Variants in DLG2 observed in about 807,000 individuals in gnomAD.
DLG2 encodes disks large homolog 2.
A neutral mutation model predicts 132.5 loss-of-function variants in DLG2; 45 were observed. The observed-to-expected ratio is 0.34, with a 90% CI of 0.27 to 0.44. DLG2 has a LOEUF of 0.44. Ranked by LOEUF, DLG2 falls within the 20% of genes least tolerant of loss-of-function variation. The pLI is 1.00. For missense variants in DLG2, 1,045 were observed against 1,196.9 expected, an observed-to-expected ratio of 0.87 and a Z score of 1.87; for synonymous variants, 424 against 419.6, an observed-to-expected ratio of 1.01 and a Z score of -0.13.
rs184964106 is a variant in DLG2 at position 84,417,749 on chromosome 11, C to G, written c.519+116821G>C. On this transcript the variant is annotated intron_variant, in intron 7 of 27. Transcript: ENST00000376104. Reference sequence around the variant, plus strand: ...CCTTCTTCAAAACAATGACAGAATTCATGAAGACGTGTTTTTTTTCCCCAC... The same window carrying G: ...CCTTCTTCAAAACAATGACAGAATTGATGAAGACGTGTTTTTTTTCCCCAC... 2.9e-3 allele frequency among the ~76,000 whole-genome samples: 443 copies of G among 152,272 alleles called. 3 individuals are homozygous for G. Among genetic ancestry groups the G allele is most frequent in the African/African-American group, 0.01 (431 of 41,560 alleles).
intron 11 of DLG2, among the ~76,000 whole-genome samples, chr11:83,981,009 A>G (rs1394703626): frequency 6.6e-6 from 1 of 152,186 alleles, no homozygotes; most frequent in African/African-American, 2.4e-5. Flanking sequence ...AGTCCTGCTC[A>G]TTGTTGACTC....
intron 5 of DLG2, among the ~76,000 whole-genome samples, chr11:85,118,402 G>C (rs2073923532): frequency 6.6e-6 from 1 of 152,000 alleles, no homozygotes; most frequent in African/African-American, 2.4e-5. Context: ...GCAGTCTGTG[G>C]CTAACTAGTG....
intron 6 of DLG2, among the ~76,000 whole-genome samples, chr11:85,063,297 T>A (rs1185541035): frequency 6.6e-6 from 1 of 151,748 alleles, no homozygotes; most frequent in Non-Finnish European, 1.5e-5. Flanking sequence ...AATCTCAGAG[T>A]TTTGAGTCTG....
At chr11:83,553,483 CGTGTGTGTGTGTGTGTGTGT>C (rs71959561) in intron 19 of DLG2, among the ~76,000 whole-genome samples, 2 of 143,772 alleles carry the variant, frequency 1.4e-5, no homozygotes, top group Non-Finnish European at 3.0e-5. Flanking sequence ...AAGTAAGCAC[CGTGTGTGTGTGTGTGTGTGT>C]GTGTGTGTGT....
chr11:84,630,902 G>A (rs1171506775), intron 6 of DLG2, among the ~76,000 whole-genome samples: 1 of 151,662 alleles, frequency 6.6e-6, no homozygotes, highest in African/African-American at 2.4e-5. Flanking sequence ...TATCACCTGA[G>A]CATTTGTTTG....
chr11:84,258,353 T>C (rs1369405832), intron 7 of DLG2, among the ~76,000 whole-genome samples: 2 of 152,168 alleles, frequency 1.3e-5, no homozygotes, highest in East Asian at 3.9e-4. Flanking sequence ...AATTACACTC[T>C]TACATTCTAT....
chr11:84,493,496 A>G (rs2099170823), intron 7 of DLG2, among the ~76,000 whole-genome samples: 1 of 151,950 alleles, frequency 6.6e-6, no homozygotes, highest in South Asian at 2.1e-4. Flanking sequence ...AATAGCTCCT[A>G]TTTTGGGAGC....
intron 7 of DLG2, among the ~76,000 whole-genome samples, chr11:84,275,920 T>C (rs1253683468): frequency 6.6e-6 from 1 of 152,138 alleles, no homozygotes; most frequent in Non-Finnish European, 1.5e-5. Context: ...TATTTAGTTA[T>C]ACAGATATAG....
chr11:84,124,355 C>T (rs2094064969), intron 9 of DLG2, among the ~76,000 whole-genome samples: 1 of 152,206 alleles, frequency 6.6e-6, no homozygotes, highest in African/African-American at 2.4e-5. Flanking sequence ...GCAGACTCCC[C>T]TTACCTCACA....
At chr11:85,187,461 T>C (rs1391244132) in intron 4 of DLG2, among the ~76,000 whole-genome samples, 1 of 151,916 alleles carries the variant, frequency 6.6e-6, no homozygotes, top group Non-Finnish European at 1.5e-5. Flanking sequence ...TTAATTTGAG[T>C]GCTAACTATA....
chr11:84,698,233 C>T (rs2058825753), intron 6 of DLG2, among the ~76,000 whole-genome samples: 1 of 132,162 alleles, frequency 7.6e-6, no homozygotes, highest in Admixed American at 7.5e-5. Flanking sequence ...GCCATCTGAT[C>T]CGAACTTTAA....
intron 19 of DLG2, among the ~76,000 whole-genome samples, chr11:83,602,539 G>A (rs1030545981): frequency 1.1e-4 from 17 of 152,346 alleles, no homozygotes; most frequent in Admixed American, 3.3e-4. Flanking sequence ...AGGAGAAAAC[G>A]TTAAACCAAG....
chr11:85,495,432 T>G (rs995829903), intron 3 of DLG2, among the ~76,000 whole-genome samples: 2 of 151,696 alleles, frequency 1.3e-5, no homozygotes, highest in Non-Finnish European at 2.9e-5. Context: ...TAAACAAATT[T>G]AAAAGAAAAA....
intron 7 of DLG2, among the ~76,000 whole-genome samples, chr11:84,364,846 T>A (rs2098672268): frequency 6.6e-6 from 1 of 152,196 alleles, no homozygotes; most frequent in African/African-American, 2.4e-5. Flanking sequence ...GAGCCTTGCA[T>A]CCCAGGGATG....
chr11:84,251,211 G>A, intron 8 of DLG2, 27 bp downstream of exon 8: 2 of 1,454,866 alleles, frequency 1.4e-6, no homozygotes, highest in South Asian at 1.3e-5. Context: ...AGTTTTAAAA[G>A]AAGGTAGTAA....
chr11:84,310,751 A>C (rs2098278494), intron 7 of DLG2, among the ~76,000 whole-genome samples: 1 of 152,218 alleles, frequency 6.6e-6, no homozygotes, highest in Admixed American at 6.5e-5. Flanking sequence ...AAGTCAAAGC[A>C]GGTGCTGAGT....
intron 6 of DLG2, among the ~76,000 whole-genome samples, chr11:84,625,688 C>G (rs1300708568): frequency 6.6e-6 from 1 of 152,178 alleles, no homozygotes; most frequent in Non-Finnish European, 1.5e-5. Context: ...AGACACTTCC[C>G]TAAAAATATC....
intron 3 of DLG2, among the ~76,000 whole-genome samples, chr11:85,395,482 G>A (rs1056428153): frequency 9.2e-5 from 14 of 152,286 alleles, no homozygotes; most frequent in African/African-American, 3.4e-4. Context: ...CAAGGGGTAA[G>A]GGGATTCCAC....
chr11:84,711,330 AAGAGAGAGAGAGAGAGAGAGAGAGAG>A (rs760750088), intron 6 of DLG2, among the ~76,000 whole-genome samples: 1 of 48,420 alleles, frequency 2.1e-5, no homozygotes, highest in Non-Finnish European at 4.5e-5. Context: ...CAGAACCAGT[AAGAGAGAGAGAGAGAGAGAGAGAGAG>A]AGAGAGAGAG....
Sources: gnomAD v4.1 joint callset for allele counts (sites outside exome capture counted in the v4.1 genomes callset) on GRCh38, gnomAD v4.1.1 for gene constraint, MANE v1.5 for transcripts, NCBI Gene and HGNC (gene_info 2026-07-23, HGNC 2026-07-21) for gene names.